The following GRM8 variants were observed in gnomAD, a reference collection of about 807,000 sequenced individuals.
GRM8 encodes metabotropic glutamate receptor 8.
Under a neutral mutation model 87.2 loss-of-function variants are expected in GRM8, and 47 were observed. That is an observed-to-expected ratio of 0.54 (90% CI 0.43 to 0.69). The LOEUF is 0.69. GRM8 is among the 30% of genes least tolerant of loss of function. GRM8 has a pLI of 0.00. For missense variants in GRM8, 1,019 were observed against 1,139.2 expected (o/e 0.89, Z 1.52); for synonymous variants, 396 against 404.5 (o/e 0.98, Z 0.25).
intron 8 of GRM8, among the ~76,000 whole-genome samples, chr7:126,549,632 G>A (rs1792355778): frequency 6.6e-6 from 1 of 152,042 alleles, no homozygotes; most frequent in South Asian, 2.1e-4. Context: ...TACTTTTTAG[G>A]AGAAACTCTT....
At chr7:126,722,166 C>A (rs1433929492) in intron 7 of GRM8, among the ~76,000 whole-genome samples, 2 of 152,172 alleles carry the variant, frequency 1.3e-5, no homozygotes, top group Non-Finnish European at 2.9e-5. Flanking sequence ...AACTGGACCT[C>A]TCCAGAACCC....
At position 126,893,091 on chromosome 7, in the gene GRM8, T is replaced by C. The variant is rs1462717281; in HGVS notation, c.1156+9451A>G. On this transcript the variant is annotated intron_variant, in intron 6 of 10. Coordinates refer to ENST00000339582, the MANE Select transcript of GRM8 (RefSeq NM_000845.3). The stretch of plus-strand genomic sequence containing the variant: ...TGTACTCCAAGTTGTCTTTTCATTA[T>C]TCTGTTACCTCATTAGAGGTAGTAT... 1.3e-4 allele frequency among the ~76,000 whole-genome samples: 20 copies of C among 152,218 alleles called. No individual in the cohort carries two copies. In the East Asian group the frequency reaches 3.1e-3, roughly 24 times the overall value.
chr7:127,207,494 A>G (rs1333298772), intron 2 of GRM8, among the ~76,000 whole-genome samples: 1 of 152,230 alleles, frequency 6.6e-6, no homozygotes, highest in Non-Finnish European at 1.5e-5. Context: ...GATACTGAAC[A>G]CATAAGGAGT....
intron 8 of GRM8, among the ~76,000 whole-genome samples, chr7:126,556,958 A>G (rs1029381403): frequency 6.6e-6 from 1 of 152,206 alleles, no homozygotes; most frequent in African/African-American, 2.4e-5. Flanking sequence ...AAATATGGAT[A>G]TACTATTAAG....
chr7:126,979,136 C>G (rs1421151985), intron 3 of GRM8, among the ~76,000 whole-genome samples: 1 of 152,170 alleles, frequency 6.6e-6, no homozygotes, highest in African/African-American at 2.4e-5. Context: ...TCTGCTCCCA[C>G]ATGCAGCTCA....
intron 8 of GRM8, among the ~76,000 whole-genome samples, chr7:126,539,862 G>A (rs1293456813): frequency 4.6e-5 from 7 of 151,862 alleles, no homozygotes; most frequent in African/African-American, 7.2e-5. Context: ...AAGAAAACAG[G>A]AGTAAATCTC....
At chr7:127,106,789 C>A (rs1387856983) in intron 2 of GRM8, 77 bp from the exon 3 acceptor site, 5 of 1,038,438 alleles carry the variant, frequency 4.8e-6, no homozygotes, top group Non-Finnish European at 3.0e-6. Context: ...AGCTAAACAG[C>A]CAAGGCTATA....
intron 6 of GRM8, among the ~76,000 whole-genome samples, chr7:126,786,274 A>G (rs2151655127): frequency 6.6e-6 from 1 of 152,336 alleles, no homozygotes; most frequent in South Asian, 2.1e-4. Context: ...ATACCTATTT[A>G]CCTGAGTACC....
chr7:126,882,507 C>T (rs1346338936), intron 6 of GRM8, among the ~76,000 whole-genome samples: 4 of 151,814 alleles, frequency 2.6e-5, no homozygotes, highest in African/African-American at 9.7e-5. Context: ...CTAGGGATAA[C>T]CTATAAAAAC....
At chr7:126,765,337 T>C (rs28506865) in intron 7 of GRM8, among the ~76,000 whole-genome samples, 3,417 of 152,216 alleles carry the variant, frequency 0.022, 130 homozygotes, top group African/African-American at 0.077. Context: ...ATTCCCGCTA[T>C]GCGGTTTCCT....
chr7:126,727,704 TACACAC>T (rs3038844), intron 7 of GRM8, among the ~76,000 whole-genome samples: 71 of 141,846 alleles, frequency 5.0e-4, no homozygotes, highest in Middle Eastern at 3.5e-3. Context: ...TCTGAAATCA[TACACAC>T]ACACACACAC....
intron 7 of GRM8, among the ~76,000 whole-genome samples, chr7:126,639,231 T>G (rs985351521): frequency 1.3e-5 from 2 of 152,228 alleles, no homozygotes; most frequent in Admixed American, 1.3e-4. Context: ...GCATCTATTT[T>G]ATTTTGCATG....
intron 3 of GRM8, among the ~76,000 whole-genome samples, chr7:127,061,789 T>C (rs1820616988): frequency 6.6e-6 from 1 of 152,192 alleles, no homozygotes; most frequent in African/African-American, 2.4e-5. Flanking sequence ...GATGCTAAAG[T>C]TGGGAAGGAT....
chr7:127,239,347 T>C (rs1798157362), intron 2 of GRM8, among the ~76,000 whole-genome samples: 1 of 152,222 alleles, frequency 6.6e-6, no homozygotes, highest in South Asian at 2.1e-4. Flanking sequence ...ATTAAGACCC[T>C]GTTTGTATTC....
At chr7:126,697,165 TA>T (rs35078727) in intron 7 of GRM8, among the ~76,000 whole-genome samples, 43,837 of 138,110 alleles carry the variant, frequency 0.32, 7,509 homozygotes, top group Middle Eastern at 0.43. Flanking sequence ...TGTGTGGAAT[TA>T]AAAAAAAAAA....
intron 8 of GRM8, among the ~76,000 whole-genome samples, chr7:126,581,205 CTA>C (rs1795577252): frequency 6.6e-6 from 1 of 152,066 alleles, no homozygotes; most frequent in Admixed American, 6.6e-5. Flanking sequence ...AGACCATCTC[CTA>C]ATGTTCAGAG....
At chr7:126,455,495 A>T (rs1473131743) in intron 9 of GRM8, among the ~76,000 whole-genome samples, 1 of 151,734 alleles carries the variant, frequency 6.6e-6, no homozygotes, top group East Asian at 1.9e-4. Context: ...GTTGTGCATT[A>T]GAGGGTTTCT....
At chr7:127,039,282 G>C (rs1169485837) in intron 3 of GRM8, among the ~76,000 whole-genome samples, 1 of 152,046 alleles carries the variant, frequency 6.6e-6, no homozygotes. Context: ...CAGTCCAATA[G>C]GACTGGTGTT....
In GRM8 at chr7:126,745,146, C is replaced by T. The variant is rs911969310; in HGVS notation, c.1357+24719G>A. On this transcript the variant is annotated intron_variant, in intron 7 of 10. Transcript: ENST00000339582. ...TAGGACCAAAATGTTTGAGAACTGC[C>T]GATTTAGAATTTATATGTTAGGATT... Among the ~76,000 whole-genome samples, 4 of 151,172 alleles carry T rather than the reference C, an allele frequency of 2.6e-5. 1 individual carries two copies. The highest frequency in any genetic ancestry group is 3.4e-3 in the Middle Eastern group (1 of 294).
Sources: gnomAD v4.1 joint callset for allele counts (sites outside exome capture counted in the v4.1 genomes callset) on GRCh38, gnomAD v4.1.1 for gene constraint, MANE v1.5 for transcripts, NCBI Gene and HGNC (gene_info 2026-07-23, HGNC 2026-07-21) for gene names.